Variants in STAG1 observed in about 807,000 individuals in gnomAD.
STAG1 encodes STAG1 cohesin complex component.
A neutral mutation model predicts 170.9 loss-of-function variants in STAG1; 26 were observed. The observed-to-expected ratio is 0.15, with a 90% CI of 0.11 to 0.21. The LOEUF (loss-of-function observed/expected upper bound fraction) is 0.21, where lower values mean the gene tolerates loss of function less well. Ranked by LOEUF, STAG1 falls within the 10% of genes least tolerant of loss-of-function variation. The probability of loss-of-function intolerance (pLI) is 1.00; values close to 1 mark genes in which losing one functional copy is unlikely to be tolerated. For missense variants in STAG1, 964 were observed against 1,509.5 expected (o/e 0.64, Z 5.99); for synonymous variants, 514 against 497.7 (o/e 1.03, Z -0.44).
chr3:136,627,905 C>T (rs985121535), intron 2 of STAG1, among the ~76,000 whole-genome samples: 5 of 152,200 alleles, frequency 3.3e-5, no homozygotes, highest in African/African-American at 1.2e-4. Flanking sequence ...CATCCTTCTC[C>T]TGACAGGTCT....
At chr3:136,666,992 T>C (rs1242584665) in intron 1 of STAG1, among the ~76,000 whole-genome samples, 2 of 152,222 alleles carry the variant, frequency 1.3e-5, no homozygotes, top group Admixed American at 6.5e-5. Flanking sequence ...TCCACCTATA[T>C]AGTTTCAACC....
intron 22 of STAG1, among the ~76,000 whole-genome samples, chr3:136,393,805 A>G (rs1177482532): frequency 1.3e-5 from 2 of 152,184 alleles, no homozygotes; most frequent in Non-Finnish European, 2.9e-5. Context: ...CATGTTGGTC[A>G]GGCTGGTCTC....
chr3:136,616,788 A>G (rs1200605542), intron 3 of STAG1, among the ~76,000 whole-genome samples: 2 of 152,118 alleles, frequency 1.3e-5, no homozygotes, highest in Non-Finnish European at 2.9e-5. Context: ...GTCCCACTCC[A>G]AAGGCTGAGG....
chr3:136,737,583 G>A (rs562704986), intron 1 of STAG1, among the ~76,000 whole-genome samples: 2 of 152,250 alleles, frequency 1.3e-5, no homozygotes, highest in African/African-American at 4.8e-5. Flanking sequence ...TACCTAGTCT[G>A]CCTTTTTCAC....
At chr3:136,590,312 G>A (rs1185640624) in intron 4 of STAG1, among the ~76,000 whole-genome samples, 1 of 151,126 alleles carries the variant, frequency 6.6e-6, no homozygotes, top group Non-Finnish European at 1.5e-5. Context: ...GTGAAACCCC[G>A]TCTCTACCAA....
At chr3:136,751,809 G>C (rs1294584752) in intron 1 of STAG1, among the ~76,000 whole-genome samples, 1 of 54,506 alleles carries the variant, frequency 1.8e-5, no homozygotes, top group Non-Finnish European at 3.7e-5. Flanking sequence ...GAGCCCGGGC[G>C]GGGGGGGGCG....
chr3:136,697,684 T>G (rs1250380165), intron 1 of STAG1, among the ~76,000 whole-genome samples: 1 of 152,232 alleles, frequency 6.6e-6, no homozygotes, highest in East Asian at 1.9e-4. Context: ...TCTGCTATAA[T>G]GCAATGTACT....
chr3:136,585,036 T>G (rs1937738730), intron 4 of STAG1, among the ~76,000 whole-genome samples: 1 of 152,216 alleles, frequency 6.6e-6, no homozygotes, highest in Non-Finnish European at 1.5e-5. Flanking sequence ...TTACAGAGCC[T>G]TAGGAAAAAT....
At chr3:136,740,759 T>C (rs1452080222) in intron 1 of STAG1, among the ~76,000 whole-genome samples, 1 of 152,090 alleles carries the variant, frequency 6.6e-6, no homozygotes, top group Non-Finnish European at 1.5e-5. Flanking sequence ...GGATTACAGG[T>C]GGAAGCCACT....
At chr3:136,525,557 C>T (rs111940953) in intron 6 of STAG1, among the ~76,000 whole-genome samples, 102 of 152,234 alleles carry the variant, frequency 6.7e-4, no homozygotes, top group African/African-American at 2.4e-3. Flanking sequence ...CTCCTAGATT[C>T]ATTAATTTTT....
chr3:136,677,271 A>G (rs1476724254), intron 1 of STAG1, among the ~76,000 whole-genome samples: 2 of 152,114 alleles, frequency 1.3e-5, no homozygotes, highest in African/African-American at 2.4e-5. Flanking sequence ...CATCACCACA[A>G]ACGTTGACTA....
chr3:136,464,538 AAAGT>A (rs1485392846), intron 13 of STAG1, among the ~76,000 whole-genome samples: 9 of 152,366 alleles, frequency 5.9e-5, no homozygotes, highest in African/African-American at 1.4e-4. Flanking sequence ...AAATGTTAAG[AAAGT>A]AAGATCAGAC....
chr3:136,690,944 C>T (rs1021397431), intron 1 of STAG1, among the ~76,000 whole-genome samples: 6 of 150,790 alleles, frequency 4.0e-5, no homozygotes, highest in African/African-American at 1.2e-4. Flanking sequence ...CAATATCCAA[C>T]GGGGCAATGT....
chr3:136,672,419 C>T (rs1182963142), intron 1 of STAG1, among the ~76,000 whole-genome samples: 1 of 152,136 alleles, frequency 6.6e-6, no homozygotes, highest in African/African-American at 2.4e-5. Flanking sequence ...CAAACAAACC[C>T]ACTGTGACCA....
intron 1 of STAG1, among the ~76,000 whole-genome samples, chr3:136,745,650 C>A (rs1934899117): frequency 6.6e-6 from 1 of 152,190 alleles, no homozygotes; most frequent in Non-Finnish European, 1.5e-5. Flanking sequence ...CTGCCTCTCA[C>A]CTCCTGCTGT....
intron 1 of STAG1, among the ~76,000 whole-genome samples, chr3:136,679,081 T>G (rs1942245256): frequency 6.6e-6 from 1 of 150,842 alleles, no homozygotes; most frequent in Non-Finnish European, 1.5e-5. Flanking sequence ...TAACAGAAAC[T>G]AGGAGACATA....
intron 5 of STAG1, among the ~76,000 whole-genome samples, chr3:136,545,560 C>T (rs1936120408): frequency 6.6e-6 from 1 of 152,026 alleles, no homozygotes; most frequent in South Asian, 2.1e-4. Context: ...TAACAGTTAC[C>T]TAGTAATGCA....
intron 4 of STAG1, among the ~76,000 whole-genome samples, chr3:136,583,858 G>A (rs1170881592): frequency 6.6e-6 from 1 of 152,102 alleles, no homozygotes; most frequent in African/African-American, 2.4e-5. Flanking sequence ...TCAATTATAA[G>A]GAAACTAGGG....
chr3:136,464,815 A>G, intron 13 of STAG1, 66 bp downstream of exon 13: 1 of 1,369,638 alleles, frequency 7.3e-7, no homozygotes. Context: ...TCTCTTCTAC[A>G]AACTCTAAAA....
Sources: allele counts gnomAD v4.1 joint callset (sites outside exome capture counted in the v4.1 genomes callset), GRCh38; gene constraint gnomAD v4.1.1; transcripts MANE v1.5; gene names NCBI Gene and HGNC (gene_info 2026-07-23, HGNC 2026-07-21).